DPY19L3: variants seen among roughly 807,000 people sequenced by gnomAD.
The protein encoded by DPY19L3 is protein C-mannosyl-transferase DPY19L3.
DPY19L3 carries 51 observed loss-of-function variants against 92.3 expected under a neutral mutation model. That is an observed-to-expected ratio of 0.55 (90% CI 0.44 to 0.70). The LOEUF is 0.70. Among genes scored for constraint, DPY19L3 ranks in the 30% least tolerant of loss-of-function variants. The pLI is 0.00. For missense variants in DPY19L3, 706 were observed against 855.9 expected, an observed-to-expected ratio of 0.82 and a Z score of 2.18; for synonymous variants, 309 against 315.2, an observed-to-expected ratio of 0.98 and a Z score of 0.21.
At chr19:32,424,813 A>C (rs539785293) in intron 3 of DPY19L3, among the ~76,000 whole-genome samples, 1 of 152,346 alleles carries the variant, frequency 6.6e-6, no homozygotes, top group African/African-American at 2.4e-5. Context: ...TGTAAGACTC[A>C]AACTTTCTGA....
rs1969938823 is a variant in DPY19L3, at chr19:32,458,479, T to G, written c.1292T>G (p.Val431Gly). Reference protein sequence around the residue: ...YIFVLSITVIVAFVVAFHNLS... With the variant: ...YIFVLSITVIGAFVVAFHNLS... ...TTCGTTCTGTCCATCACAGTGATTG[T>G]AGCATTCGTTGTTGCCTTTCATAAT... Residue 431 changes from valine (V) to glycine (G), a missense_variant, in exon 12 of 19, where the codon GTA (valine) becomes GGA (glycine). By Grantham distance (109) the Val-to-Gly change is moderately radical (BLOSUM62 -3). Coordinates refer to ENST00000392250, the MANE Select transcript of DPY19L3 (RefSeq NM_001172774.2). 6.2e-7 allele frequency: 1 copy of G among 1,612,388 alleles called. No homozygotes were observed. The highest frequency in any genetic ancestry group is 8.5e-7 in the Non-Finnish European group (1 of 1,179,692).
At chr19:32,479,658 G>T (rs753732456) in intron 17 of DPY19L3, 2 of 401,700 alleles carry the variant, frequency 5.0e-6, no homozygotes, top group South Asian at 3.6e-5. Context: ...CTCTCTTCAT[G>T]AACCCCCACA....
intron 6 of DPY19L3, 178 bp from the exon 7 acceptor site, chr19:32,438,934 A>G: frequency 1.4e-6 from 1 of 696,944 alleles, no homozygotes; most frequent in Non-Finnish European, 2.3e-6. Context: ...TGCCAATTTT[A>G]TGTTACAGGG....
intron 8 of DPY19L3, among the ~76,000 whole-genome samples, chr19:32,451,977 T>C (rs1279038376): frequency 3.3e-5 from 5 of 151,960 alleles, no homozygotes; most frequent in African/African-American, 1.2e-4. Flanking sequence ...TGGGACTACT[T>C]GCACCACTAC....
At chr19:32,441,042 CCTA>C (rs1969305866) in intron 8 of DPY19L3, among the ~76,000 whole-genome samples, 1 of 152,078 alleles carries the variant, frequency 6.6e-6, no homozygotes, top group African/African-American at 2.4e-5. Context: ...AGTGACCACT[CCTA>C]CACTGCTGGT....
At chr19:32,477,463 T>A in intron 16 of DPY19L3, 59 bp from the exon 17 acceptor site, 1 of 1,600,926 alleles carries the variant, frequency 6.2e-7, no homozygotes, top group Non-Finnish European at 8.5e-7. Flanking sequence ...TATTGTCTTC[T>A]TTGTTGTCTT....
At chr19:32,460,900 C>A (rs1423127119) in intron 12 of DPY19L3, among the ~76,000 whole-genome samples, 1 of 123,680 alleles carries the variant, frequency 8.1e-6, no homozygotes, top group African/African-American at 3.1e-5. Flanking sequence ...ATGCATCTCG[C>A]TCTTGCCTGG....
intron 4 of DPY19L3, among the ~76,000 whole-genome samples, chr19:32,434,616 G>A (rs1299186841): frequency 2.0e-5 from 3 of 152,146 alleles, no homozygotes; most frequent in Non-Finnish European, 4.4e-5. Context: ...CCGAGATCAC[G>A]CTACTGCACT....
intron 12 of DPY19L3, among the ~76,000 whole-genome samples, chr19:32,460,862 G>GTT (rs1443261780): frequency 2.0e-5 from 3 of 151,730 alleles, no homozygotes; most frequent in African/African-American, 7.3e-5. Flanking sequence ...GTTTTGTTTT[G>GTT]TTTTGTTTTG....
intron 3 of DPY19L3, among the ~76,000 whole-genome samples, chr19:32,420,059 C>T (rs1399735327): frequency 6.6e-6 from 1 of 151,618 alleles, no homozygotes; most frequent in Non-Finnish European, 1.5e-5. Context: ...GGGGTTTCAC[C>T]ATCTTGGCCA....
At chr19:32,429,221 C>T (rs887693235) in intron 3 of DPY19L3, among the ~76,000 whole-genome samples, 2 of 152,152 alleles carry the variant, frequency 1.3e-5, no homozygotes, top group African/African-American at 2.4e-5. Flanking sequence ...AAGATGTTTT[C>T]GTTCTGTCAA....
chr19:32,447,098 T>A (rs1250191421), intron 8 of DPY19L3, among the ~76,000 whole-genome samples: 3 of 152,130 alleles, frequency 2.0e-5, no homozygotes, highest in African/African-American at 7.2e-5. Context: ...CACTATTACA[T>A]CTATAGTAGT....
chr19:32,458,252 C>A, intron 11 of DPY19L3, 79 bp downstream of exon 11: 3 of 1,574,282 alleles, frequency 1.9e-6, no homozygotes, highest in Non-Finnish European at 2.6e-6. Flanking sequence ...TGTCATTGTG[C>A]CTTCAACTAT....
At chr19:32,478,872 C>T (rs1003524188) in intron 17 of DPY19L3, among the ~76,000 whole-genome samples, 4 of 152,158 alleles carry the variant, frequency 2.6e-5, no homozygotes, top group African/African-American at 4.8e-5. Context: ...TTTCCAGGCA[C>T]GGTGTCTGTC....
chr19:32,426,133 G>C (rs1258651404), intron 3 of DPY19L3, among the ~76,000 whole-genome samples: 1 of 152,160 alleles, frequency 6.6e-6, no homozygotes, highest in Non-Finnish European at 1.5e-5. Flanking sequence ...GTATGTTAGG[G>C]AGATGGCTAC....
At chr19:32,477,321 G>A (rs546652977) in intron 16 of DPY19L3, among the ~76,000 whole-genome samples, 1 of 151,850 alleles carries the variant, frequency 6.6e-6, no homozygotes, top group East Asian at 1.9e-4. Context: ...GCCATTGAAA[G>A]TAATGGCAAA....
At chr19:32,466,052 C>T (rs994884907) in intron 15 of DPY19L3, among the ~76,000 whole-genome samples, 14 of 152,122 alleles carry the variant, frequency 9.2e-5, no homozygotes, top group Admixed American at 3.3e-4. Flanking sequence ...GAAGATGTAC[C>T]GAACAATAAC....
intron 8 of DPY19L3, among the ~76,000 whole-genome samples, chr19:32,443,171 G>A (rs1969377429): frequency 6.6e-6 from 1 of 152,138 alleles, no homozygotes. Flanking sequence ...GCCAGCATGT[G>A]TCAGCAGGGA....
intron 9 of DPY19L3, among the ~76,000 whole-genome samples, chr19:32,454,705 G>T (rs1969811712): frequency 6.6e-6 from 1 of 152,122 alleles, no homozygotes; most frequent in South Asian, 2.1e-4. Flanking sequence ...AAAAGACTAG[G>T]ACACATTTCC....
Sources: gnomAD v4.1 joint callset for allele counts (sites outside exome capture counted in the v4.1 genomes callset) on GRCh38, gnomAD v4.1.1 for gene constraint, MANE v1.5 for transcripts, NCBI Gene and HGNC (gene_info 2026-07-23, HGNC 2026-07-21) for gene names.